ERCC8: variants seen among roughly 807,000 people sequenced by gnomAD.
ERCC8 encodes the protein DNA excision repair protein ERCC-8.
A neutral mutation model predicts 54.9 loss-of-function variants in ERCC8; 52 were observed. The observed-to-expected ratio is 0.95, with a 90% CI of 0.76 to 1.19. The LOEUF (loss-of-function observed/expected upper bound fraction) is 1.19, where lower values mean the gene tolerates loss of function less well. Ranked by LOEUF, ERCC8 falls within the 50% of genes most tolerant of loss-of-function variation. ERCC8 has a pLI of 0.00. For synonymous variants in ERCC8, 146 were observed against 157.2 expected, an observed-to-expected ratio of 0.93 and a Z score of 0.53; for missense variants, 514 against 466.1, an observed-to-expected ratio of 1.10 and a Z score of -0.95.
At chr5:60,876,905 T>C (rs545728652) in intron 11 of ERCC8, among the ~76,000 whole-genome samples, 30 of 152,288 alleles carry the variant, frequency 2.0e-4, no homozygotes, top group South Asian at 6.2e-4. Flanking sequence ...TTTGTCAATT[T>C]TGGCTTTTGT....
chr5:60,915,112 G>C (rs1749393568), intron 4 of ERCC8: 1 of 152,076 alleles, frequency 6.6e-6, no homozygotes, highest in East Asian at 1.9e-4. Context: ...GTTTACAAAA[G>C]TTCCTTTTTT....
chr5:60,891,289 G>A (rs1748541658), intron 9 of ERCC8, among the ~76,000 whole-genome samples: 1 of 151,992 alleles, frequency 6.6e-6, no homozygotes, highest in Admixed American at 6.6e-5. Flanking sequence ...AAAAACCACA[G>A]GGGTAAATGT....
chr5:60,883,769 C>T (rs560693030), intron 11 of ERCC8, among the ~76,000 whole-genome samples: 2 of 152,234 alleles, frequency 1.3e-5, no homozygotes, highest in East Asian at 3.9e-4. Flanking sequence ...CTATAGATCT[C>T]AGGCAGGAAA....
At chr5:60,918,023 T>C (rs751348349) in intron 4 of ERCC8, 4 of 478,068 alleles carry the variant, frequency 8.4e-6, no homozygotes, top group Non-Finnish European at 1.5e-5. Flanking sequence ...AACCATACTA[T>C]AATCATTATT....
intron 3 of ERCC8, chr5:60,919,596 G>A (rs1749543202): frequency 6.6e-6 from 1 of 151,886 alleles, no homozygotes; most frequent in South Asian, 2.1e-4. Context: ...TTTTTTCTCT[G>A]TAAATATTCA....
chr5:60,903,488 A>G, intron 6 of ERCC8, 160 bp downstream of exon 6: 1 of 1,227,904 alleles, frequency 8.1e-7, no homozygotes, highest in East Asian at 2.7e-5. Flanking sequence ...CAGTTTTATA[A>G]GAATAATGCA....
At chr5:60,943,551 GGTTT>G (rs1227805247) in intron 1 of ERCC8, among the ~76,000 whole-genome samples, 2 of 152,162 alleles carry the variant, frequency 1.3e-5, no homozygotes, top group Admixed American at 6.5e-5. Context: ...AAAGCATGGA[GGTTT>G]GTTATTAATA....
At chr5:60,904,757 A>G in intron 5 of ERCC8, 35 bp downstream of exon 5, 1 of 1,335,566 alleles carries the variant, frequency 7.5e-7, no homozygotes, top group Non-Finnish European at 1.1e-6. Context: ...GAAAGTTTTC[A>G]GTATGTCAAA....
chr5:60,934,105 G>A (rs143272520), intron 1 of ERCC8, among the ~76,000 whole-genome samples: 112 of 152,288 alleles, frequency 7.4e-4, no homozygotes, highest in African/African-American at 2.4e-3. Context: ...ATACCCGGGA[G>A]TGGGAATGCT....
intron 4 of ERCC8, among the ~76,000 whole-genome samples, chr5:60,906,653 C>G (rs377205472): frequency 6.6e-6 from 1 of 151,946 alleles, no homozygotes; most frequent in Middle Eastern, 3.4e-3. Flanking sequence ...CGCTTGAACC[C>G]GGGAGGCAGA....
chr5:60,918,622 G>T (rs554047732), intron 3 of ERCC8: 6 of 507,958 alleles, frequency 1.2e-5, no homozygotes, highest in African/African-American at 1.2e-4. Context: ...CAATGTGAAA[G>T]ATTCTCTGTT....
At chr5:60,892,427 C>A in intron 9 of ERCC8, 1 of 552,080 alleles carries the variant, frequency 1.8e-6, no homozygotes, top group Non-Finnish European at 3.6e-6. Flanking sequence ...TTCCTTAATT[C>A]TCAGCACTGA....
rs370382611 is a variant in ERCC8 at position 60,890,127 on chromosome 5, TACAGC to T, written c.1041+757_1041+761del. Reference sequence around the variant, plus strand: ...GCTGAAAAATCAGGTCTATATATCTTACAGCACAGTGTCAGGCACAAATTAGGCAA... The same window carrying T: ...GCTGAAAAATCAGGTCTATATATCTTACAGTGTCAGGCACAAATTAGGCAA... On this transcript the variant is annotated intron_variant, in intron 10 of 11. Coordinates refer to ENST00000676185, the MANE Select transcript of ERCC8 (RefSeq NM_000082.4). Among the ~76,000 whole-genome samples, 236 of 152,280 alleles carry T rather than the reference TACAGC, an allele frequency of 1.5e-3. 1 individual carries two copies. Among genetic ancestry groups the T allele is most frequent in the African/African-American group, 5.5e-3 (229 of 41,570 alleles).
At chr5:60,891,929 A>G in intron 9 of ERCC8, 2 of 511,170 alleles carry the variant, frequency 3.9e-6, no homozygotes, top group Admixed American at 2.0e-5. Flanking sequence ...AGATCAGTCA[A>G]TTAGTTACCA....
rs373303052 is a variant in ERCC8 at position 60,873,501 on chromosome 5, C to T, written c.*1114G>A. 2.4e-4 allele frequency among the ~76,000 whole-genome samples: 37 copies of T among 152,116 alleles called. No homozygotes were observed. The highest frequency in any genetic ancestry group is 8.7e-4 in the African/African-American group (36 of 41,486). ...ACCAGCCTGGCCAACATGGTGAAAC[C>T]CCATCTCTACTGAAAATACAAAAAA... is the stretch of plus-strand genomic sequence containing the variant. On this transcript the variant is annotated 3_prime_UTR_variant, in exon 12 of 12. Coordinates refer to ENST00000676185, the MANE Select transcript of ERCC8 (RefSeq NM_000082.4).
At chr5:60,879,695 T>G (rs1193931109) in intron 11 of ERCC8, among the ~76,000 whole-genome samples, 2 of 152,062 alleles carry the variant, frequency 1.3e-5, no homozygotes, top group African/African-American at 4.8e-5. Flanking sequence ...AACCTCTGCC[T>G]TTTTTTGTTT....
Position 60,945,011 on chromosome 5 carries a change from C to G in ERCC8, c.-3G>C, listed in dbSNP as rs199968351. On this transcript the variant is annotated 5_prime_UTR_variant, in exon 1 of 12. Transcript: ENST00000676185. ...CGTGCGGACAAAAACCCCAGCATAT[C>G]GTGTCCTCACACCGGCTGGAGCACT... The G allele has an allele frequency of 9.3e-6, 15 of 1,613,364 alleles. No individual in the cohort carries two copies. The highest frequency in any genetic ancestry group is 1.3e-5 in the Non-Finnish European group (15 of 1,179,288).
intron 4 of ERCC8, among the ~76,000 whole-genome samples, chr5:60,910,208 G>C (rs959533293): frequency 2.6e-5 from 4 of 152,010 alleles, no homozygotes; most frequent in African/African-American, 9.7e-5. Flanking sequence ...TGTCATCAAC[G>C]GGTACATTTC....
chr5:60,889,362 G>T (rs954585356), intron 10 of ERCC8, among the ~76,000 whole-genome samples: 1 of 152,074 alleles, frequency 6.6e-6, no homozygotes, highest in Non-Finnish European at 1.5e-5. Context: ...GCCCATGTTG[G>T]AGTGCAGTGG....
Sources: gnomAD v4.1 joint callset for allele counts (sites outside exome capture counted in the v4.1 genomes callset) on GRCh38, gnomAD v4.1.1 for gene constraint, MANE v1.5 for transcripts, NCBI Gene and HGNC (gene_info 2026-07-23, HGNC 2026-07-21) for gene names.